The following GPC6 variants were observed in gnomAD, a reference collection of about 807,000 sequenced individuals.
GPC6 encodes the protein glypican 6.
In GPC6, 14 loss-of-function variants were observed where a neutral mutation model predicts 55.2. The ratio of observed to expected loss-of-function variants is 0.25; its 90% confidence interval spans 0.17 to 0.40. The LOEUF (loss-of-function observed/expected upper bound fraction) is 0.40. Ranked by LOEUF, GPC6 falls within the 10% of genes least tolerant of loss-of-function variation. The pLI is 1.00. For missense variants in GPC6, 641 were observed against 708.5 expected, an observed-to-expected ratio of 0.90 and a Z score of 1.08; for synonymous variants, 278 against 259.6, an observed-to-expected ratio of 1.07 and a Z score of -0.68.
At chr13:93,940,413 AATGGATGGATGG>A (rs141500976) in intron 3 of GPC6, among the ~76,000 whole-genome samples, 8 of 149,928 alleles carry the variant, frequency 5.3e-5, no homozygotes, top group East Asian at 2.0e-4. Flanking sequence ...TGGATGGATG[AATGGATGGATGG>A]ATGGATGGAT....
At chr13:93,344,298 G>A (rs1372143115) in intron 1 of GPC6, among the ~76,000 whole-genome samples, 1 of 152,184 alleles carries the variant, frequency 6.6e-6, no homozygotes, top group Non-Finnish European at 1.5e-5. Flanking sequence ...GGCCAGAAGA[G>A]GCCAGGTATA....
At chr13:94,262,674 G>GA (rs60528347) in intron 4 of GPC6, among the ~76,000 whole-genome samples, 26,893 of 84,106 alleles carry the variant, frequency 0.32, 3,026 homozygotes, top group South Asian at 0.37. Flanking sequence ...CTCCGTCTCA[G>GA]AAAAAAAAAA....
At chr13:94,109,938 T>C (rs990287215) in intron 4 of GPC6, among the ~76,000 whole-genome samples, 5 of 151,944 alleles carry the variant, frequency 3.3e-5, no homozygotes, top group African/African-American at 1.2e-4. Flanking sequence ...ACAGTAATCA[T>C]GTGCTTGATG....
rs1362433839 is a variant in GPC6, at chr13:93,592,374, T to TAA, written c.319+46955_319+46956dup. 2.3e-4 allele frequency among the ~76,000 whole-genome samples: 34 copies of TAA among 146,390 alleles called. 1 individual carries two copies. Among genetic ancestry groups the TAA allele is most frequent in the South Asian group, 8.5e-4 (4 of 4,704 alleles). ...TATATATGTAAAATATATATATATA[T>TAA]AAACATATCAATATATATTAATATA... On this transcript the variant is annotated intron_variant, in intron 2 of 8. Transcript: ENST00000377047.
At chr13:94,002,279 G>A (rs1049784167) in intron 3 of GPC6, among the ~76,000 whole-genome samples, 1 of 152,100 alleles carries the variant, frequency 6.6e-6, no homozygotes, top group African/African-American at 2.4e-5. Context: ...TAGGGGTGCT[G>A]CCGTGTCGGT....
chr13:93,765,241 A>AAGACAACTTTCCAGATAAGCTGTCTGGAC (rs2138882935), intron 2 of GPC6, among the ~76,000 whole-genome samples: 1 of 78,550 alleles, frequency 1.3e-5, no homozygotes. Context: ...ATTGTCTGGA[A>AAGACAACTTTCCAGATAAGCTGTCTGGAC]AGACAACTTT....
chr13:94,072,114 AC>A (rs1001781557), intron 4 of GPC6, among the ~76,000 whole-genome samples: 3 of 152,128 alleles, frequency 2.0e-5, no homozygotes, highest in African/African-American at 7.2e-5. Flanking sequence ...ACTAAAGAAA[AC>A]CTAAAAACTG....
chr13:93,304,360 G>T (rs899662730), intron 1 of GPC6, among the ~76,000 whole-genome samples: 1 of 152,180 alleles, frequency 6.6e-6, no homozygotes, highest in Non-Finnish European at 1.5e-5. Flanking sequence ...ATTGCTGCTG[G>T]CTTGTCTGCT....
At chr13:93,488,184 T>G (rs576068651) in intron 1 of GPC6, among the ~76,000 whole-genome samples, 1 of 152,246 alleles carries the variant, frequency 6.6e-6, no homozygotes, top group South Asian at 2.1e-4. Flanking sequence ...GTGTTCTCAT[T>G]GTTCAAATCC....
intron 3 of GPC6, among the ~76,000 whole-genome samples, chr13:93,845,905 G>A (rs934407867): frequency 3.3e-5 from 5 of 150,960 alleles, no homozygotes; most frequent in Non-Finnish European, 7.4e-5. Context: ...AGTGGGTGCA[G>A]CGCACCAGCA....
chr13:94,211,358 T>A (rs914997321), intron 4 of GPC6, among the ~76,000 whole-genome samples: 1 of 152,320 alleles, frequency 6.6e-6, no homozygotes, highest in South Asian at 2.1e-4. Flanking sequence ...GATTTATGTA[T>A]CAGGAACTTT....
At position 94,406,467 on chromosome 13, in the gene GPC6, A is replaced by G. The variant is rs1881371616; in HGVS notation, c.*3250A>G. 6.6e-6 allele frequency: 1 copy of G among 152,158 alleles called. No homozygotes were observed. The highest frequency in any genetic ancestry group is 2.4e-5 in the African/African-American group (1 of 41,458). The allele number at this position is 152,158 out of a possible 1,614,324, so 9.4% of individuals were successfully genotyped here. ...GCACTAGAAATCTGTCTCCCTTACA[A>G]TGACTTACCTAGCTAGCATCAAGTA... On this transcript the variant is annotated 3_prime_UTR_variant, in exon 9 of 9. Transcript: ENST00000377047.
Position 94,403,639 on chromosome 13 carries a change from A to G in GPC6, c.*422A>G, listed in dbSNP as rs776540396. 23 of 229,892 alleles carry G rather than the reference A, an allele frequency of 1.0e-4. No individual in the cohort carries two copies. The highest frequency in any genetic ancestry group is 8.7e-5 in the Non-Finnish European group (10 of 114,540). The allele number at this position is 229,892 out of a possible 1,614,324, so 14.2% of individuals were successfully genotyped here. ...AAGACAGCTACATTTTCAACAAAAA[A>G]GCAAACAGAGAAAAATAAATGAACT... On this transcript the variant is annotated 3_prime_UTR_variant, in exon 9 of 9. Transcript: ENST00000377047.
chr13:93,491,206 G>T lies in GPC6; in HGVS notation c.161-54057G>T. Among the ~76,000 whole-genome samples, 2 of 33,216 alleles carry T rather than the reference G, an allele frequency of 6.0e-5. 1 individual carries two copies. The highest frequency in any genetic ancestry group is 1.2e-4 in the Non-Finnish European group (2 of 17,356). 21.8% of individuals were successfully genotyped at this position (33,216 alleles called of 152,430 possible). ...GTTGTTTCCTGACATTTTAATGATT[G>T]CCATTCTAACTGGTGTGAGATGGTA... On this transcript the variant is annotated intron_variant, in intron 1 of 8. Transcript: ENST00000377047.
intron 2 of GPC6, among the ~76,000 whole-genome samples, chr13:93,570,807 C>A (rs1214770598): frequency 1.3e-5 from 2 of 151,938 alleles, no homozygotes; most frequent in Non-Finnish European, 2.9e-5. Context: ...AGATTATTTG[C>A]AAAATGAAAC....
chr13:93,697,040 C>A (rs1882485361), intron 2 of GPC6, among the ~76,000 whole-genome samples: 2 of 152,256 alleles, frequency 1.3e-5, no homozygotes, highest in South Asian at 2.1e-4. Context: ...CATACATCTT[C>A]TTCCTCTCCC....
At chr13:93,490,478 C>A (rs773290316) in intron 1 of GPC6, among the ~76,000 whole-genome samples, 23 of 16,004 alleles carry the variant, frequency 1.4e-3, no homozygotes, top group East Asian at 6.5e-3. Context: ...TTTTTTTTTT[C>A]AACTTGAGTG....
At chr13:93,949,066 C>T (rs973149965) in intron 3 of GPC6, among the ~76,000 whole-genome samples, 2 of 152,150 alleles carry the variant, frequency 1.3e-5, no homozygotes, top group African/African-American at 4.8e-5. Flanking sequence ...CTTCTCCCAA[C>T]TTTGGGGGTC....
At chr13:94,171,305 T>C (rs537595739) in intron 4 of GPC6, among the ~76,000 whole-genome samples, 1 of 152,294 alleles carries the variant, frequency 6.6e-6, no homozygotes, top group East Asian at 1.9e-4. Context: ...CAGCGCAACA[T>C]AGATTTTAGA....
Sources: gnomAD v4.1 joint callset for allele counts (sites outside exome capture counted in the v4.1 genomes callset) on GRCh38, gnomAD v4.1.1 for gene constraint, MANE v1.5 for transcripts, NCBI Gene and HGNC (gene_info 2026-07-23, HGNC 2026-07-21) for gene names.